Variants in GALNTL6 observed in about 807,000 individuals in gnomAD.
The protein encoded by GALNTL6 is polypeptide N-acetylgalactosaminyltransferase-like 6.
In GALNTL6, 46 loss-of-function variants were observed where a neutral mutation model predicts 73.7. That is an observed-to-expected ratio of 0.62 (90% CI 0.49 to 0.80). GALNTL6 has a LOEUF of 0.80. GALNTL6 is among the 30% of genes least tolerant of loss of function. GALNTL6 has a pLI of 0.00. For synonymous variants in GALNTL6, 259 were observed against 263.7 expected, an observed-to-expected ratio of 0.98 and a Z score of 0.17; for missense variants, 604 against 755.0, an observed-to-expected ratio of 0.80 and a Z score of 2.34.
At chr4:172,414,545 G>C (rs1040717461) in intron 5 of GALNTL6, among the ~76,000 whole-genome samples, 1 of 152,262 alleles carries the variant, frequency 6.6e-6, no homozygotes, top group South Asian at 2.1e-4. Context: ...TTCACACGAT[G>C]ATCTGTAGGT....
intron 7 of GALNTL6, among the ~76,000 whole-genome samples, chr4:172,860,101 G>C (rs1744322265): frequency 2.0e-5 from 3 of 152,068 alleles, no homozygotes; most frequent in South Asian, 4.2e-4. Context: ...CATGAAATTG[G>C]TCCCTGGTGC....
At chr4:172,757,296 G>A (rs951929149) in intron 5 of GALNTL6, among the ~76,000 whole-genome samples, 2 of 152,132 alleles carry the variant, frequency 1.3e-5, no homozygotes, top group African/African-American at 2.4e-5. Context: ...TCGTGTTCCT[G>A]TTTCTCTACT....
At chr4:172,164,610 T>C (rs1734568869) in intron 2 of GALNTL6, among the ~76,000 whole-genome samples, 1 of 152,064 alleles carries the variant, frequency 6.6e-6, no homozygotes, top group South Asian at 2.1e-4. Flanking sequence ...ACTATACTAA[T>C]AATAGATTTT....
intron 2 of GALNTL6, among the ~76,000 whole-genome samples, chr4:172,046,360 T>C (rs1280421365): frequency 6.6e-6 from 1 of 152,248 alleles, no homozygotes; most frequent in Admixed American, 6.5e-5. Context: ...AACGTACAGG[T>C]TTGTTACATA....
At chr4:172,071,213 G>A (rs1246173283) in intron 2 of GALNTL6, among the ~76,000 whole-genome samples, 1 of 109,836 alleles carries the variant, frequency 9.1e-6, no homozygotes, top group Non-Finnish European at 2.0e-5. Flanking sequence ...TAGCATGGAT[G>A]AAGTGGATGG....
At chr4:172,843,252 C>T (rs1279692049) in intron 7 of GALNTL6, among the ~76,000 whole-genome samples, 6 of 152,172 alleles carry the variant, frequency 3.9e-5, no homozygotes, top group South Asian at 2.1e-4. Flanking sequence ...AAAATGTCTG[C>T]CCTATCTTAC....
intron 7 of GALNTL6, among the ~76,000 whole-genome samples, chr4:172,868,975 T>TGAC (rs1744791935): frequency 6.6e-6 from 1 of 152,240 alleles, no homozygotes; most frequent in South Asian, 2.1e-4. Flanking sequence ...TCTATCAGGC[T>TGAC]GACATGCTGC....
At chr4:172,620,889 C>CA (rs1738926380) in intron 5 of GALNTL6, among the ~76,000 whole-genome samples, 1 of 152,190 alleles carries the variant, frequency 6.6e-6, no homozygotes, top group Non-Finnish European at 1.5e-5. Context: ...TGTTCCTGAA[C>CA]CAAACTCTGG....
chr4:171,930,041 G>A (rs1204014531), intron 2 of GALNTL6, among the ~76,000 whole-genome samples: 1 of 152,186 alleles, frequency 6.6e-6, no homozygotes, highest in Non-Finnish European at 1.5e-5. Context: ...ACCCCCGCTA[G>A]TCCCTTTGCA....
intron 12 of GALNTL6, among the ~76,000 whole-genome samples, chr4:173,036,231 T>C (rs1579810932): frequency 6.6e-6 from 1 of 151,936 alleles, no homozygotes; most frequent in East Asian, 1.9e-4. Context: ...CCTTCCTATA[T>C]ATAATGGACT....
chr4:172,102,422 G>A (rs1204717173), intron 2 of GALNTL6, among the ~76,000 whole-genome samples: 1 of 152,162 alleles, frequency 6.6e-6, no homozygotes, highest in Non-Finnish European at 1.5e-5. Flanking sequence ...GCCAAGAGTT[G>A]TGACCCCTCA....
intron 2 of GALNTL6, among the ~76,000 whole-genome samples, chr4:172,003,019 A>T (rs1021001719): frequency 2.0e-5 from 3 of 152,160 alleles, no homozygotes; most frequent in African/African-American, 7.2e-5. Flanking sequence ...TTATCGATTA[A>T]GGGAGTAAAG....
At chr4:171,976,795 G>T (rs332964) in intron 2 of GALNTL6, among the ~76,000 whole-genome samples, 148,929 of 152,286 alleles carry the variant, frequency 0.98, 72,900 homozygotes, top group Middle Eastern at 1. Context: ...GAAAATGGAA[G>T]ATGTCATTCA....
At chr4:172,346,207 A>G (rs1302781322) in intron 4 of GALNTL6, among the ~76,000 whole-genome samples, 2 of 152,252 alleles carry the variant, frequency 1.3e-5, no homozygotes, top group Non-Finnish European at 2.9e-5. Flanking sequence ...ACCCACATAT[A>G]TATAGATAGA....
intron 2 of GALNTL6, among the ~76,000 whole-genome samples, chr4:171,991,744 A>ATG: frequency 6.8e-6 from 1 of 146,722 alleles, no homozygotes; most frequent in Non-Finnish European, 1.5e-5. Context: ...ATATATATAT[A>ATG]TATATATATA....
chr4:171,935,563 C>T (rs913242518), intron 2 of GALNTL6, among the ~76,000 whole-genome samples: 15 of 151,994 alleles, frequency 9.9e-5, no homozygotes, highest in African/African-American at 1.2e-4. Context: ...CTTGACTGTC[C>T]GGCTCAAGCA....
chr4:172,837,398 A>G (rs1381969861), intron 7 of GALNTL6, among the ~76,000 whole-genome samples: 1 of 152,200 alleles, frequency 6.6e-6, no homozygotes, highest in Non-Finnish European at 1.5e-5. Flanking sequence ...TTATTGTTTT[A>G]TATATACTGT....
chr4:172,418,196 A>T (rs911533158), intron 5 of GALNTL6, among the ~76,000 whole-genome samples: 5 of 152,194 alleles, frequency 3.3e-5, no homozygotes, highest in Non-Finnish European at 4.4e-5. Context: ...TTTAAAATTT[A>T]AAAAGTAAAA....
intron 2 of GALNTL6, among the ~76,000 whole-genome samples, chr4:172,052,028 A>C (rs893947555): frequency 6.6e-6 from 1 of 152,146 alleles, no homozygotes; most frequent in Non-Finnish European, 1.5e-5. Flanking sequence ...ACTCCTCTGC[A>C]GCCTTCTAGG....
Sources: allele counts gnomAD v4.1 joint callset (sites outside exome capture counted in the v4.1 genomes callset), GRCh38; gene constraint gnomAD v4.1.1; transcripts MANE v1.5; gene names NCBI Gene and HGNC (gene_info 2026-07-23, HGNC 2026-07-21).